RASSF3: variants seen among roughly 807,000 people sequenced by gnomAD.
RASSF3 encodes the protein ras association domain-containing protein 3.
RASSF3 carries 19 observed loss-of-function variants against 19.9 expected under a neutral mutation model. The ratio of observed to expected loss-of-function variants is 0.96; its 90% CI spans 0.67 to 1.40. The LOEUF (loss-of-function observed/expected upper bound fraction) is 1.40, where lower values mean the gene tolerates loss of function less well. Ranked by LOEUF, RASSF3 falls within the 40% of genes most tolerant of loss-of-function variation. The pLI is 0.00. For synonymous variants in RASSF3, 110 were observed against 104.2 expected (o/e 1.06, Z -0.34); for missense variants, 306 against 289.8 (o/e 1.06, Z -0.41).
At chr12:64,686,182 G>GTTT (rs202133160) in intron 2 of RASSF3, among the ~76,000 whole-genome samples, 1 of 146,246 alleles carries the variant, frequency 6.8e-6, no homozygotes, top group African/African-American at 2.5e-5. Flanking sequence ...CACTTGCTAT[G>GTTT]TTTTTTTTTT....
chr12:64,572,426 G>C (rs1056163105), intron 2 of RASSF3, among the ~76,000 whole-genome samples: 4 of 152,142 alleles, frequency 2.6e-5, no homozygotes, highest in African/African-American at 9.7e-5. Flanking sequence ...GCCCTCACCA[G>C]AACTTGACCA....
chr12:64,593,446 C>A (rs558393127), intron 2 of RASSF3, among the ~76,000 whole-genome samples: 8 of 152,192 alleles, frequency 5.3e-5, no homozygotes, highest in Admixed American at 4.6e-4. Flanking sequence ...GTCTTGAACT[C>A]CTGGCCTGAA....
intron 1 of RASSF3, among the ~76,000 whole-genome samples, chr12:64,631,309 T>C (rs921456926): frequency 5.3e-5 from 8 of 152,054 alleles, no homozygotes; most frequent in Non-Finnish European, 1.2e-4. Flanking sequence ...CAAGAAGGCC[T>C]GGGGTGGAAC....
At chr12:64,617,704 CGT>C (rs1214388070) in intron 1 of RASSF3, among the ~76,000 whole-genome samples, 2 of 152,114 alleles carry the variant, frequency 1.3e-5, no homozygotes, top group Non-Finnish European at 2.9e-5. Flanking sequence ...ATTACAGGTG[CGT>C]GCCACCACAT....
chr12:64,668,271 CTTTT>C (rs369487530), intron 1 of RASSF3, among the ~76,000 whole-genome samples: 1 of 147,148 alleles, frequency 6.8e-6, no homozygotes, highest in African/African-American at 2.5e-5. Context: ...TCTTCTTCTT[CTTTT>C]TTTTTTTTTC....
intron 2 of RASSF3, among the ~76,000 whole-genome samples, chr12:64,582,755 C>A (rs1435620414): frequency 6.6e-6 from 1 of 152,138 alleles, no homozygotes; most frequent in Non-Finnish European, 1.5e-5. Flanking sequence ...AAGAATCAGA[C>A]CTGGAGTCTT....
intron 1 of RASSF3, among the ~76,000 whole-genome samples, chr12:64,637,046 C>G (rs1009407947): frequency 3.3e-5 from 5 of 151,764 alleles, no homozygotes; most frequent in Non-Finnish European, 7.4e-5. Flanking sequence ...ATGGGGAGAC[C>G]AATATAATAT....
chr12:64,599,887 C>T (rs1169246269), intron 2 of RASSF3, among the ~76,000 whole-genome samples: 2 of 151,828 alleles, frequency 1.3e-5, no homozygotes, highest in African/African-American at 4.8e-5. Flanking sequence ...AAAAAATTAG[C>T]CGGGCGTGGT....
At chr12:64,612,429 A>G (rs1870402154) in intron 1 of RASSF3, among the ~76,000 whole-genome samples, 1 of 152,046 alleles carries the variant, frequency 6.6e-6, no homozygotes, top group Admixed American at 6.6e-5. Flanking sequence ...TTAGTGCTTT[A>G]AAGAGTAAAG....
At chr12:64,628,172 G>C (rs969249963) in intron 1 of RASSF3, among the ~76,000 whole-genome samples, 2 of 152,154 alleles carry the variant, frequency 1.3e-5, no homozygotes, top group Non-Finnish European at 2.9e-5. Context: ...CCCCTATCTA[G>C]TGCCAACAAG....
At chr12:64,645,461 C>T (rs924040045) in intron 1 of RASSF3, among the ~76,000 whole-genome samples, 1 of 152,046 alleles carries the variant, frequency 6.6e-6, no homozygotes, top group African/African-American at 2.4e-5. Flanking sequence ...TGGTTTGAAG[C>T]CATGAGTTTG....
chr12:64,593,849 T>TA (rs1276377801), intron 2 of RASSF3, among the ~76,000 whole-genome samples: 1 of 151,004 alleles, frequency 6.6e-6, no homozygotes, highest in Non-Finnish European at 1.5e-5. Context: ...CCATCTCTAC[T>TA]AAAAATACAA....
Position 64,535,158 on chromosome 12 carries a change from T to G in RASSF3, c.67+1824T>G, listed in dbSNP as rs182337547. Among the ~76,000 whole-genome samples the G allele has an allele frequency of 4.3e-3, 648 of 152,234 alleles. 6 individuals are homozygous for G. Among genetic ancestry groups the G allele is most frequent in the African/African-American group, 0.015 (633 of 41,550 alleles). On this transcript the variant is annotated intron_variant, in intron 1 of 1. Transcript: ENST00000636333. ...CAGTCCAAAGTTCCTTTGAGTCTTA[T>G]GAGTCAGTGCTAATCCTGCAAATCG...
At chr12:64,689,220 G>GGTGTGTGTGT (rs10688391) in intron 3 of RASSF3, among the ~76,000 whole-genome samples, 48,536 of 147,288 alleles carry the variant, frequency 0.33, 8,481 homozygotes, top group Middle Eastern at 0.44. Context: ...TTGAAATCGG[G>GGTGTGTGTGT]GTGTGTGTGT....
intron 2 of RASSF3, among the ~76,000 whole-genome samples, chr12:64,589,924 C>T (rs1198991965): frequency 6.6e-6 from 1 of 150,920 alleles, no homozygotes; most frequent in African/African-American, 2.4e-5. Flanking sequence ...ATGGCTTGAA[C>T]CCAGAAGATG....
At chr12:64,636,412 C>G (rs935757920) in intron 1 of RASSF3, among the ~76,000 whole-genome samples, 4 of 151,862 alleles carry the variant, frequency 2.6e-5, no homozygotes, top group African/African-American at 4.8e-5. Context: ...CTGCACCTGG[C>G]CAGTTTATTA....
At chr12:64,559,523 C>T (rs908806835) in intron 2 of RASSF3, among the ~76,000 whole-genome samples, 6 of 152,168 alleles carry the variant, frequency 3.9e-5, no homozygotes, top group African/African-American at 1.4e-4. Flanking sequence ...CCCACCTCGG[C>T]CTCCCAAAGT....
chr12:64,630,598 A>G (rs554161892), intron 1 of RASSF3, among the ~76,000 whole-genome samples: 2 of 152,306 alleles, frequency 1.3e-5, no homozygotes, highest in Admixed American at 1.3e-4. Context: ...AGGACATGTG[A>G]TCATATGCCT....
intron 2 of RASSF3, among the ~76,000 whole-genome samples, chr12:64,578,078 G>T (rs1010153714): frequency 6.6e-6 from 1 of 151,946 alleles, no homozygotes; most frequent in Non-Finnish European, 1.5e-5. Context: ...AATTAGCTGG[G>T]CATGGTGACG....
Sources: allele counts gnomAD v4.1 joint callset (sites outside exome capture counted in the v4.1 genomes callset), GRCh38; gene constraint gnomAD v4.1.1; transcripts MANE v1.5; gene names NCBI Gene and HGNC (gene_info 2026-07-23, HGNC 2026-07-21).